The following ARHGAP20 variants were observed in gnomAD, a reference collection of about 807,000 sequenced individuals.
ARHGAP20 encodes Rho GTPase activating protein 20, also known as rho GTPase-activating protein 20.
A neutral mutation model predicts 73.7 loss-of-function variants in ARHGAP20; 34 were observed. The ratio of observed to expected loss-of-function variants is 0.46; its 90% CI spans 0.35 to 0.61. The LOEUF (loss-of-function observed/expected upper bound fraction) is 0.61, where lower values mean the gene tolerates loss of function less well. Ranked by LOEUF, ARHGAP20 falls within the 20% of genes least tolerant of loss-of-function variation. The probability of loss-of-function intolerance (pLI) is 0.00; values close to 1 mark genes in which losing one functional copy is unlikely to be tolerated. For missense variants in ARHGAP20, 1,314 were observed against 1,420.9 expected (o/e 0.92, Z 1.21); for synonymous variants, 523 against 518.2 (o/e 1.01, Z -0.13).
intron 1 of ARHGAP20, among the ~76,000 whole-genome samples, chr11:110,696,562 C>T (rs1157404059): frequency 6.6e-6 from 1 of 151,570 alleles, no homozygotes; most frequent in Admixed American, 6.6e-5. Flanking sequence ...TTTTAATTAA[C>T]ATTTTTAAAA....
chr11:110,624,877 G>A (rs138684730), intron 3 of ARHGAP20, among the ~76,000 whole-genome samples: 35 of 152,096 alleles, frequency 2.3e-4, no homozygotes, highest in African/African-American at 7.7e-4. Flanking sequence ...TCTATATGTC[G>A]AGCATTGCAT....
chr11:110,605,128 A>G (rs922094670), intron 9 of ARHGAP20, among the ~76,000 whole-genome samples: 2 of 152,226 alleles, frequency 1.3e-5, no homozygotes, highest in Non-Finnish European at 2.9e-5. Context: ...TCTGCTAGAC[A>G]GGGATGATCA....
intron 1 of ARHGAP20, among the ~76,000 whole-genome samples, chr11:110,691,879 A>G (rs899848502): frequency 3.9e-5 from 6 of 152,200 alleles, no homozygotes; most frequent in Non-Finnish European, 5.9e-5. Flanking sequence ...TTAATAAATG[A>G]CAGGAAACAC....
chr11:110,660,062 A>AAAACAAAAAAAAAC (rs1949568434), intron 2 of ARHGAP20, among the ~76,000 whole-genome samples: 1 of 113,186 alleles, frequency 8.8e-6, no homozygotes, highest in South Asian at 2.9e-4. Context: ...AATAAAAAAC[A>AAAACAAAAAAAAAC]AAAAAAAAAA....
intron 4 of ARHGAP20, among the ~76,000 whole-genome samples, chr11:110,617,949 A>C (rs913730290): frequency 6.6e-6 from 1 of 152,188 alleles, no homozygotes; most frequent in Non-Finnish European, 1.5e-5. Context: ...GTCATCACTG[A>C]GAGTGAGCCG....
rs1591203798 is a variant in ARHGAP20, at chr11:110,712,381, C to T, written c.-150G>A. 2.1e-6 allele frequency: 1 copy of T among 479,374 alleles called. No homozygotes were observed. Among genetic ancestry groups the T allele is most frequent in the African/African-American group, 2.0e-5 (1 of 49,094 alleles). The allele number at this position is 479,374 out of a possible 1,614,324, so 29.7% of individuals were successfully genotyped here. A position where few individuals can be genotyped will look rare whatever the true frequency, so the allele number is the denominator to read the frequency against. ...AGCTCCGGGTGCTCGCCGCGCGCCT[C>T]CCGTCGGGGCCATGTACCTCCGCCT... On this transcript the variant is annotated 5_prime_UTR_variant, in exon 1 of 15. Coordinates refer to ENST00000683387, the MANE Select transcript of ARHGAP20 (RefSeq NM_001384657.1).
chr11:110,690,861 G>T, intron 1 of ARHGAP20: 1 of 992,762 alleles, frequency 1.0e-6, no homozygotes, highest in Non-Finnish European at 1.4e-6. Context: ...TTTGTGGTCA[G>T]AGAATAAAGA....
chr11:110,614,379 T>C (rs1485893555), intron 6 of ARHGAP20, among the ~76,000 whole-genome samples, 182 bp downstream of exon 6: 1 of 152,228 alleles, frequency 6.6e-6, no homozygotes, highest in Admixed American at 6.5e-5. Flanking sequence ...ATTTTTCATA[T>C]ATATGAAGAC....
Position 110,648,791 on chromosome 11 carries a change from G to T in ARHGAP20, c.189-17999C>A, listed in dbSNP as rs534443037. ...AGCCACCGCACCCAGCCCATGAAAT[G>T]TTTTTAAGTCAGTAAGTCCCTTATG... On this transcript the variant is annotated intron_variant, in intron 2 of 14. Coordinates refer to ENST00000683387, the MANE Select transcript of ARHGAP20 (RefSeq NM_001384657.1). Among the ~76,000 whole-genome samples the T allele has an allele frequency of 7.2e-5, 11 of 152,068 alleles. 1 individual carries two copies. In the South Asian group the frequency reaches 2.3e-3, roughly 32 times the overall value.
chr11:110,709,015 A>G (rs894796892), intron 1 of ARHGAP20, among the ~76,000 whole-genome samples: 1 of 152,184 alleles, frequency 6.6e-6, no homozygotes, highest in African/African-American at 2.4e-5. Flanking sequence ...CCATCATTAC[A>G]CAATGTACCA....
chr11:110,598,096 A>G (rs775686670), intron 9 of ARHGAP20, among the ~76,000 whole-genome samples: 62 of 152,274 alleles, frequency 4.1e-4, no homozygotes, highest in Non-Finnish European at 7.8e-4. Flanking sequence ...TGTTTATATA[A>G]TAATAACCAT....
At chr11:110,705,347 G>A (rs1950533852) in intron 1 of ARHGAP20, among the ~76,000 whole-genome samples, 1 of 152,042 alleles carries the variant, frequency 6.6e-6, no homozygotes, top group South Asian at 2.1e-4. Flanking sequence ...ATCATAACCT[G>A]GGAGAATGCT....
rs1203778607 is a variant in ARHGAP20 at position 110,578,618 on chromosome 11, A to C, written c.*752T>G. 1.0e-6 allele frequency: 1 copy of C among 985,326 alleles called. No homozygotes were observed. Among genetic ancestry groups the C allele is most frequent in the Non-Finnish European group, 1.2e-6 (1 of 829,932 alleles). The allele number at this position is 985,326 out of a possible 1,614,324, so 61.0% of individuals were successfully genotyped here. A position where few individuals can be genotyped will look rare whatever the true frequency, so the allele number is the denominator to read the frequency against. On this transcript the variant is annotated 3_prime_UTR_variant, in exon 15 of 15. Coordinates refer to ENST00000683387, the MANE Select transcript of ARHGAP20 (RefSeq NM_001384657.1). ...CAGAGATACCTTTGAAAGGGTACTG[A>C]AATGGGCAGCCATTTTCTTCTTTCT...
chr11:110,692,210 A>G (rs1215239007), intron 1 of ARHGAP20, among the ~76,000 whole-genome samples: 1 of 152,160 alleles, frequency 6.6e-6, no homozygotes, highest in Non-Finnish European at 1.5e-5. Flanking sequence ...ACAAGGAGAA[A>G]GGAAAACTGG....
intron 1 of ARHGAP20, among the ~76,000 whole-genome samples, chr11:110,692,707 T>C (rs1230609244): frequency 6.6e-6 from 1 of 152,060 alleles, no homozygotes; most frequent in African/African-American, 2.4e-5. Context: ...AAAAAGAGCC[T>C]ATGAAACAGG....
chr11:110,630,868 T>G, intron 2 of ARHGAP20, 76 bp from the exon 3 acceptor site: 1 of 1,477,394 alleles, frequency 6.8e-7, no homozygotes, highest in Non-Finnish European at 9.2e-7. Context: ...ATTCTGTAAT[T>G]TTTTTTAATA....
intron 1 of ARHGAP20, among the ~76,000 whole-genome samples, chr11:110,693,284 ATTG>A (rs1467215717): frequency 6.6e-6 from 1 of 151,908 alleles, no homozygotes; most frequent in Non-Finnish European, 1.5e-5. Context: ...TTCAGGTTCC[ATTG>A]TTCGTACTCA....
Position 110,614,579 on chromosome 11 carries a change from G to A in ARHGAP20, c.612C>T (p.Asp204=). 1 of 1,613,244 alleles carries A rather than the reference G, an allele frequency of 6.2e-7. No individual in the cohort carries two copies. The highest frequency in any genetic ancestry group is 8.5e-7 in the Non-Finnish European group (1 of 1,179,508). Residue 204 remains aspartate, a synonymous_variant, in exon 6 of 15, where the codon GAC becomes GAT. Transcript: ENST00000683387. ...KSIPLKIFAK[D]IGNCAYSKTI... ...CACTTACGTAGGCACAATTCCCAAT[G>A]TCCTTGGCGAAGATTTTGAGGGGAA...
rs780731275 is a variant in ARHGAP20 at position 110,606,676 on chromosome 11, G to A, written c.849C>T (p.Asp283=). ...CCTGGAGGTTGAAAGGGGTGGTAGA[G>A]TCCTTTGATCCCGGTGTCAGGAGTG... is the stretch of plus-strand genomic sequence containing the variant. The part of the protein sequence containing the change: ...DSALLTPGSK[D]STTPFNLQEP... The change falls in exon 9 of 15, where the codon GAC becomes GAT. Residue 283 remains aspartate (D), a synonymous_variant. Transcript: ENST00000683387. 5.0e-6 allele frequency: 8 copies of A among 1,605,326 alleles called. No homozygotes were observed. Among genetic ancestry groups the A allele is most frequent in the Non-Finnish European group, 6.8e-6 (8 of 1,177,406 alleles).
Sources: gnomAD v4.1 joint callset for allele counts (sites outside exome capture counted in the v4.1 genomes callset) on GRCh38, gnomAD v4.1.1 for gene constraint, MANE v1.5 for transcripts, NCBI Gene and HGNC (gene_info 2026-07-23, HGNC 2026-07-21) for gene names.